Variants in LARGE1 observed in about 807,000 individuals in gnomAD.
The protein encoded by LARGE1 is LARGE xylosyl- and glucuronyltransferase 1, also known as xylosyl- and glucuronyltransferase LARGE1.
Under a neutral mutation model 87.6 loss-of-function variants are expected in LARGE1, and 43 were observed. The observed-to-expected ratio is 0.49, with a 90% CI of 0.38 to 0.63. LARGE1 has a LOEUF of 0.63. Ranked by LOEUF, LARGE1 falls within the 30% of genes least tolerant of loss-of-function variation. LARGE1 has a pLI of 0.00. For synonymous variants in LARGE1, 434 were observed against 394.6 expected (o/e 1.10, Z -1.18); for missense variants, 802 against 1,000.2 (o/e 0.80, Z 2.67).
rs116494584 is a variant in LARGE1, at chr22:33,862,657, T to C, written c.-83+57338A>G. 9.7e-3 allele frequency among the ~76,000 whole-genome samples: 1,484 copies of C among 152,252 alleles called. 18 individuals are homozygous for C. The highest frequency in any genetic ancestry group is 0.032 in the African/African-American group (1,317 of 41,536). On this transcript the variant is annotated intron_variant, in intron 1 of 14. Transcript: ENST00000397394. ...ACAGTGTGGGGACACAGAGGCTAGA[T>C]AGGCCTGGGTTCAAATCCCAGCTCT... is the stretch of plus-strand genomic sequence containing the variant.
chr22:33,338,792 G>A (rs1446157958), intron 9 of LARGE1, among the ~76,000 whole-genome samples: 4 of 152,138 alleles, frequency 2.6e-5, no homozygotes, highest in Admixed American at 2.6e-4. Flanking sequence ...CACACTCATG[G>A]TCAGTTGGGG....
At chr22:33,441,851 A>T (rs2067491762) in intron 6 of LARGE1, among the ~76,000 whole-genome samples, 1 of 152,178 alleles carries the variant, frequency 6.6e-6, no homozygotes, top group South Asian at 2.1e-4. Context: ...AGGTTTGGGG[A>T]GCCCAGGTTT....
chr22:33,739,888 T>A (rs980429428), intron 2 of LARGE1, among the ~76,000 whole-genome samples: 10 of 152,096 alleles, frequency 6.6e-5, no homozygotes, highest in African/African-American at 2.4e-4. Context: ...CCTCAAGGTA[T>A]GAGTACAGAA....
At chr22:33,444,063 T>C (rs944249699) in intron 6 of LARGE1, among the ~76,000 whole-genome samples, 4 of 152,280 alleles carry the variant, frequency 2.6e-5, no homozygotes, top group African/African-American at 7.2e-5. Context: ...GGAGAAATTG[T>C]TTAATTTGTT....
intron 2 of LARGE1, among the ~76,000 whole-genome samples, chr22:33,709,443 G>C (rs759980099): frequency 1.3e-5 from 2 of 151,956 alleles, no homozygotes; most frequent in Non-Finnish European, 2.9e-5. Context: ...TCATATCTAG[G>C]GTCTATCTAG....
chr22:33,866,771 A>T (rs1601812083), intron 1 of LARGE1, among the ~76,000 whole-genome samples: 1 of 151,982 alleles, frequency 6.6e-6, no homozygotes, highest in Non-Finnish European at 1.5e-5. Context: ...TATAGAAAGC[A>T]CCTCCCACAG....
chr22:33,802,098 T>C (rs2086180031), intron 1 of LARGE1, among the ~76,000 whole-genome samples: 1 of 150,084 alleles, frequency 6.7e-6, no homozygotes, highest in South Asian at 2.1e-4. Flanking sequence ...GAGAGGGAGA[T>C]GACTAATGAA....
chr22:33,775,006 A>G (rs1368976477), intron 1 of LARGE1, among the ~76,000 whole-genome samples: 1 of 152,222 alleles, frequency 6.6e-6, no homozygotes, highest in Non-Finnish European at 1.5e-5. Context: ...CAGCAGAACT[A>G]TAGAGAACCG....
intron 7 of LARGE1, 64 bp downstream of exon 7, chr22:33,432,097 G>A (rs1217799115): frequency 6.1e-5 from 80 of 1,308,112 alleles, no homozygotes; most frequent in Middle Eastern, 1.8e-4. Flanking sequence ...CCTCTCCTGC[G>A]GAAGGAGCAC....
chr22:33,082,311 C>T, the LARGE1 span, among the ~76,000 whole-genome samples: 1 of 152,198 alleles, frequency 6.6e-6, no homozygotes. Context: ...GTGCAGATGC[C>T]AGCAGATCTG....
intron 3 of LARGE1, among the ~76,000 whole-genome samples, chr22:33,633,092 T>C (rs2080159230): frequency 6.6e-6 from 1 of 152,184 alleles, no homozygotes; most frequent in African/African-American, 2.4e-5. Flanking sequence ...ATAACATTGA[T>C]GTTTTTAGAG....
intron 11 of LARGE1, among the ~76,000 whole-genome samples, chr22:33,225,547 A>C (rs1568980400): frequency 6.6e-6 from 1 of 151,632 alleles, no homozygotes; most frequent in Admixed American, 6.6e-5. Context: ...TTTTCTTTTT[A>C]TTTCTTTATT....
chr22:33,229,090 A>G (rs1364395079), intron 11 of LARGE1, among the ~76,000 whole-genome samples: 2 of 152,246 alleles, frequency 1.3e-5, no homozygotes, highest in Non-Finnish European at 2.9e-5. Flanking sequence ...ATCTAAATTC[A>G]TTCACATTAT....
At chr22:33,558,411 G>A (rs73882256) in intron 6 of LARGE1, among the ~76,000 whole-genome samples, 5,515 of 152,240 alleles carry the variant, frequency 0.036, 208 homozygotes, top group African/African-American at 0.1. Flanking sequence ...AGGAAGGAAA[G>A]GGGAAAGAAA....
chr22:33,101,462 C>G, the LARGE1 span, among the ~76,000 whole-genome samples: 1 of 152,084 alleles, frequency 6.6e-6, no homozygotes, highest in Non-Finnish European at 1.5e-5. Flanking sequence ...CAAATAGGTT[C>G]GATTGCAAGC....
chr22:33,672,700 G>A (rs2081452876), intron 2 of LARGE1, among the ~76,000 whole-genome samples: 1 of 152,312 alleles, frequency 6.6e-6, no homozygotes, highest in Non-Finnish European at 1.5e-5. Context: ...TCTCATTGCT[G>A]ACATGTAAAA....
intron 11 of LARGE1, among the ~76,000 whole-genome samples, chr22:33,198,226 A>G (rs1056656223): frequency 4.6e-5 from 7 of 152,210 alleles, no homozygotes; most frequent in Non-Finnish European, 8.8e-5. Context: ...AGAGAAAAAT[A>G]CTAATGAATT....
At chr22:33,320,557 A>G (rs11913954) in intron 10 of LARGE1, among the ~76,000 whole-genome samples, 11,077 of 152,250 alleles carry the variant, frequency 0.073, 957 homozygotes, top group African/African-American at 0.21. Flanking sequence ...CCTGAGCACC[A>G]TGCCTGGCTT....
chr22:33,303,328 GTTT>G (rs1934413084), intron 12 of LARGE1, among the ~76,000 whole-genome samples: 1 of 152,094 alleles, frequency 6.6e-6, no homozygotes, highest in Non-Finnish European at 1.5e-5. Flanking sequence ...TTCCACCCCA[GTTT>G]CCCTTTCCTA....
Sources: allele counts gnomAD v4.1 joint callset (sites outside exome capture counted in the v4.1 genomes callset), GRCh38; gene constraint gnomAD v4.1.1; transcripts MANE v1.5; gene names NCBI Gene and HGNC (gene_info 2026-07-23, HGNC 2026-07-21).